The following WASHC3 variants were observed in gnomAD, a reference collection of about 807,000 sequenced individuals.
WASHC3 encodes WASH complex subunit 3.
In WASHC3, 24 loss-of-function variants were observed where a neutral mutation model predicts 26.1. The observed-to-expected ratio is 0.92, with a 90% confidence interval of 0.66 to 1.29. The LOEUF (loss-of-function observed/expected upper bound fraction) is 1.29, where lower values mean the gene tolerates loss of function less well. WASHC3 is among the 50% of genes most tolerant of loss of function. The pLI is 0.00. For missense variants in WASHC3, 214 were observed against 229.6 expected (o/e 0.93, Z 0.44); for synonymous variants, 77 against 75.7 (o/e 1.02, Z -0.09).
chr12:102,056,472 T>C (rs1878597322), intron 2 of WASHC3, among the ~76,000 whole-genome samples: 1 of 152,208 alleles, frequency 6.6e-6, no homozygotes, highest in African/African-American at 2.4e-5. Flanking sequence ...GGAGTGATTC[T>C]ATATCTTGTT....
At chr12:102,059,747 G>C (rs1359396856) in intron 2 of WASHC3, 1 of 152,218 alleles carries the variant, frequency 6.6e-6, no homozygotes, top group African/African-American at 2.4e-5. Flanking sequence ...CTTTCTGCTA[G>C]TAATCCTGGG....
chr12:102,016,646 C>T (rs1288573356), intron 6 of WASHC3, among the ~76,000 whole-genome samples: 1 of 152,110 alleles, frequency 6.6e-6, no homozygotes, highest in African/African-American at 2.4e-5. Flanking sequence ...CCTGTTATTG[C>T]CCCTGAAGAC....
Position 102,046,377 on chromosome 12 carries a change from C to G in WASHC3, c.151-258G>C, listed in dbSNP as rs560315106. Among the ~76,000 whole-genome samples, 9 of 152,152 alleles carry G rather than the reference C, an allele frequency of 5.9e-5. No individual in the cohort carries two copies. In the East Asian group the frequency reaches 1.7e-3, roughly 29 times the overall value. Reference sequence around the variant, plus strand: ...GTGGTGCGATCTCGGCTCCCTGCAACCCCTGCCCCCTGGGTTCAAGTGATT... The same window carrying G: ...GTGGTGCGATCTCGGCTCCCTGCAAGCCCTGCCCCCTGGGTTCAAGTGATT... On this transcript the variant is annotated intron_variant, in intron 2 of 6. Transcript: ENST00000240079.
chr12:102,030,883 T>C (rs1236576785), intron 5 of WASHC3, among the ~76,000 whole-genome samples: 7 of 152,184 alleles, frequency 4.6e-5, no homozygotes, highest in South Asian at 2.1e-4. Context: ...AGCAAGAAAT[T>C]TAAAACCTGA....
intron 5 of WASHC3, among the ~76,000 whole-genome samples, chr12:102,037,799 G>GT (rs980612785): frequency 1.3e-5 from 2 of 150,330 alleles, no homozygotes; most frequent in Admixed American, 1.3e-4. Flanking sequence ...TTTGTTTTTT[G>GT]TTTTTTGTTT....
rs764843498 is a variant in WASHC3, at chr12:102,025,961, A to G, written c.500+13T>C. ...CCTGGCAATAATATCATTATATTAG[A>G]AGAATTACTTACTCAAGAAGATCTG... On this transcript the variant is annotated intron_variant, in intron 6 of 6. Transcript: ENST00000240079. The G allele has an allele frequency of 4.6e-6, 6 of 1,295,892 alleles. No homozygotes were observed. The South Asian group carries it at 7.9e-5, about 17-fold the overall frequency. The allele number at this position is 1,295,892 out of a possible 1,614,324, so 80.3% of individuals were successfully genotyped here.
At chr12:102,025,436 T>TA (rs1014544118) in intron 6 of WASHC3, among the ~76,000 whole-genome samples, 4 of 151,786 alleles carry the variant, frequency 2.6e-5, no homozygotes, top group Admixed American at 2.0e-4. Context: ...ACTTTAAGGT[T>TA]AAAAAAAACT....
intron 3 of WASHC3, among the ~76,000 whole-genome samples, 191 bp downstream of exon 3, chr12:102,045,863 T>C (rs1383778571): frequency 6.6e-6 from 1 of 152,256 alleles, no homozygotes; most frequent in African/African-American, 2.4e-5. Flanking sequence ...ATGTGTACAT[T>C]TGAATTAATG....
chr12:102,041,209 CAA>C (rs1437779220), intron 4 of WASHC3, among the ~76,000 whole-genome samples: 1 of 151,198 alleles, frequency 6.6e-6, no homozygotes, highest in East Asian at 1.9e-4. Flanking sequence ...AAACAATAAC[CAA>C]GTATGTTTTT....
At chr12:102,039,753 C>A in intron 5 of WASHC3, 115 bp downstream of exon 5, 6 of 427,410 alleles carry the variant, frequency 1.4e-5, no homozygotes, top group Non-Finnish European at 2.2e-5. Context: ...GAATAGAAAA[C>A]TTGGTTACTT....
chr12:102,012,998 G>T lies in WASHC3; in HGVS notation c.*110C>A. 1 of 553,618 alleles carries T rather than the reference G, an allele frequency of 1.8e-6. No individual in the cohort carries two copies. Among genetic ancestry groups the T allele is most frequent in the Non-Finnish European group, 3.2e-6 (1 of 314,550 alleles). 34.3% of individuals were successfully genotyped at this position (553,618 alleles called of 1,614,324 possible). ...TTTAACATAGAAGAAGCTTGGTAGT[G>T]GACATGTGGCCATTTGATGTTTTTA... is the stretch of plus-strand genomic sequence containing the variant. On this transcript the variant is annotated 3_prime_UTR_variant, in exon 7 of 7. Transcript: ENST00000240079.
Position 102,054,053 on chromosome 12 carries a change from G to T in WASHC3, c.150+7195C>A, listed in dbSNP as rs370647401. Among the ~76,000 whole-genome samples, 67 of 152,076 alleles carry T rather than the reference G, an allele frequency of 4.4e-4. 2 individuals are homozygous for T. The highest frequency in any genetic ancestry group is 1.5e-5 in the Non-Finnish European group (1 of 68,012). On this transcript the variant is annotated intron_variant, in intron 2 of 6. Coordinates refer to ENST00000240079, the MANE Select transcript of WASHC3 (RefSeq NM_016053.4). ...ATAACATGTTTTATGTCAGCCTCATGGGAACAACAAAGCAAAAACCTAATA... is the reference window on the plus strand; with the variant it reads ...ATAACATGTTTTATGTCAGCCTCATTGGAACAACAAAGCAAAAACCTAATA...
At position 102,060,677 on chromosome 12, in the gene WASHC3, C is replaced by T. The variant is rs147631318; in HGVS notation, c.150+571G>A. Among the ~76,000 whole-genome samples, 1,439 of 152,138 alleles carry T rather than the reference C, an allele frequency of 9.5e-3. 13 individuals carry two copies. The highest frequency in any genetic ancestry group is 0.014 in the Non-Finnish European group (948 of 67,996). On this transcript the variant is annotated intron_variant, in intron 2 of 6. Transcript: ENST00000240079. ...TTTTCAACTGTGAAATTTTAGAAGC[C>T]GGGCGCGGTGGCTCACGCCTGTAAT...
intron 6 of WASHC3, among the ~76,000 whole-genome samples, chr12:102,017,376 T>C (rs2121319552): frequency 1.3e-5 from 2 of 152,218 alleles, no homozygotes; most frequent in South Asian, 4.1e-4. Context: ...GCTGAACTGT[T>C]TGTGTGAAAA....
intron 6 of WASHC3, chr12:102,017,821 A>G (rs779229403): frequency 7.0e-6 from 3 of 431,038 alleles, no homozygotes; most frequent in South Asian, 3.4e-5. Context: ...TGTAAAATAC[A>G]GATAACATAA....
At chr12:102,059,467 A>T (rs1157398132) in intron 2 of WASHC3, among the ~76,000 whole-genome samples, 1 of 152,228 alleles carries the variant, frequency 6.6e-6, no homozygotes, top group Non-Finnish European at 1.5e-5. Context: ...ACAGCTGCAG[A>T]GAAGTTGAGA....
At chr12:102,055,338 T>C (rs887053506) in intron 2 of WASHC3, among the ~76,000 whole-genome samples, 2 of 152,156 alleles carry the variant, frequency 1.3e-5, no homozygotes, top group Non-Finnish European at 2.9e-5. Flanking sequence ...GCGAAGCTTT[T>C]CTTTTTTCTT....
chr12:102,035,030 T>C (rs1877596513), intron 5 of WASHC3, among the ~76,000 whole-genome samples: 1 of 152,008 alleles, frequency 6.6e-6, no homozygotes, highest in Admixed American at 6.6e-5. Context: ...TAAGTGAGGC[T>C]AAAAGAAGGC....
chr12:102,015,947 T>A (rs1200381042), intron 6 of WASHC3, among the ~76,000 whole-genome samples: 1 of 152,234 alleles, frequency 6.6e-6, no homozygotes, highest in African/African-American at 2.4e-5. Context: ...TGGAGAGTAG[T>A]AGTGTGATCT....
Sources: allele counts gnomAD v4.1 joint callset (sites outside exome capture counted in the v4.1 genomes callset), GRCh38; gene constraint gnomAD v4.1.1; transcripts MANE v1.5; gene names NCBI Gene and HGNC (gene_info 2026-07-23, HGNC 2026-07-21).